Variants in PRR5L observed in about 807,000 individuals in gnomAD.
The protein encoded by PRR5L is proline rich 5 like.
Under a neutral mutation model 36.4 loss-of-function variants are expected in PRR5L, and 21 were observed. The observed-to-expected ratio is 0.58, with a 90% CI of 0.41 to 0.83. The LOEUF is 0.83. Among genes scored for constraint, PRR5L ranks in the 40% least tolerant of loss-of-function variants. PRR5L has a pLI of 0.00. For missense variants in PRR5L, 381 were observed against 473.3 expected (o/e 0.80, Z 1.81); for synonymous variants, 188 against 197.0 (o/e 0.95, Z 0.38).
intron 1 of PRR5L, among the ~76,000 whole-genome samples, chr11:36,394,223 A>G (rs567984934): frequency 3.9e-5 from 6 of 152,304 alleles, no homozygotes; most frequent in African/African-American, 7.2e-5. Context: ...CACCTGCTCA[A>G]TGCCCCACAG....
intron 1 of PRR5L, among the ~76,000 whole-genome samples, chr11:36,358,583 AT>A (rs1490938952): frequency 6.6e-6 from 1 of 152,180 alleles, no homozygotes; most frequent in Non-Finnish European, 1.5e-5. Flanking sequence ...GAACTCAAAC[AT>A]TTGTGTGACT....
At chr11:36,391,788 G>A (rs1857568378) in intron 1 of PRR5L, among the ~76,000 whole-genome samples, 1 of 152,176 alleles carries the variant, frequency 6.6e-6, no homozygotes, top group Admixed American at 6.5e-5. Context: ...GGTAAATGGG[G>A]TATCCATCAC....
intron 6 of PRR5L, among the ~76,000 whole-genome samples, chr11:36,446,077 C>T (rs562431981): frequency 6.6e-6 from 1 of 152,122 alleles, no homozygotes; most frequent in Non-Finnish European, 1.5e-5. Flanking sequence ...CTTGTATTGT[C>T]TTTCGGTCAT....
At chr11:36,340,235 C>T (rs1856805597) in intron 1 of PRR5L, among the ~76,000 whole-genome samples, 1 of 152,214 alleles carries the variant, frequency 6.6e-6, no homozygotes, top group South Asian at 2.1e-4. Context: ...TTAGATGTCA[C>T]ACAAAGTCTG....
chr11:36,441,010 C>T (rs1239085467), intron 6 of PRR5L, among the ~76,000 whole-genome samples: 1 of 152,196 alleles, frequency 6.6e-6, no homozygotes, highest in Non-Finnish European at 1.5e-5. Context: ...CCCTATGACT[C>T]TACCTTCTAC....
At chr11:36,345,792 G>A (rs1856859229) in intron 1 of PRR5L, among the ~76,000 whole-genome samples, 1 of 152,216 alleles carries the variant, frequency 6.6e-6, no homozygotes, top group African/African-American at 2.4e-5. Flanking sequence ...AACAGCAGAT[G>A]CTCCGGGAAA....
intron 1 of PRR5L, among the ~76,000 whole-genome samples, chr11:36,340,681 T>C (rs1255518154): frequency 6.6e-5 from 10 of 152,204 alleles, no homozygotes; most frequent in Non-Finnish European, 1.3e-4. Context: ...AATTTGTGTC[T>C]CTGCTCTAAA....
chr11:36,327,695 C>T (rs1856678882), intron 1 of PRR5L, among the ~76,000 whole-genome samples: 1 of 152,180 alleles, frequency 6.6e-6, no homozygotes, highest in Non-Finnish European at 1.5e-5. Flanking sequence ...AATTCTTCTA[C>T]ATAATAAGAA....
chr11:36,382,229 C>T (rs1160641360), intron 1 of PRR5L, among the ~76,000 whole-genome samples: 3 of 152,190 alleles, frequency 2.0e-5, no homozygotes, highest in Non-Finnish European at 4.4e-5. Context: ...AATGAGCCCT[C>T]ATTTTGGTCC....
chr11:36,435,114 G>T (rs1858577898), intron 5 of PRR5L, among the ~76,000 whole-genome samples: 1 of 152,068 alleles, frequency 6.6e-6, no homozygotes, highest in African/African-American at 2.4e-5. Context: ...GCCCTTTGGG[G>T]TAAATTATCC....
intron 4 of PRR5L, among the ~76,000 whole-genome samples, chr11:36,428,165 A>G (rs531929245): frequency 6.6e-6 from 1 of 152,136 alleles, no homozygotes; most frequent in Non-Finnish European, 1.5e-5. Flanking sequence ...GTAGGGTGAC[A>G]TTGGTGGTGG....
intron 1 of PRR5L, among the ~76,000 whole-genome samples, chr11:36,351,712 T>C (rs866574546): frequency 5.8e-4 from 62 of 107,606 alleles, no homozygotes; most frequent in African/African-American, 2.2e-3. Context: ...TATATTTATT[T>C]ATATATTTAT....
At chr11:36,365,986 A>G (rs536360288) in intron 1 of PRR5L, among the ~76,000 whole-genome samples, 1 of 152,364 alleles carries the variant, frequency 6.6e-6, no homozygotes, top group South Asian at 2.1e-4. Flanking sequence ...CTGCTCTTGC[A>G]GAAATCTAAT....
At chr11:36,422,884 T>C (rs1424633802) in intron 4 of PRR5L, among the ~76,000 whole-genome samples, 1 of 152,162 alleles carries the variant, frequency 6.6e-6, no homozygotes, top group Non-Finnish European at 1.5e-5. Flanking sequence ...CACTATATAC[T>C]AGTAACAGCT....
At chr11:36,442,518 T>A (rs1399996984) in intron 6 of PRR5L, among the ~76,000 whole-genome samples, 1 of 152,084 alleles carries the variant, frequency 6.6e-6, no homozygotes, top group Non-Finnish European at 1.5e-5. Context: ...ATTTTTGTAT[T>A]TTTAGTAGAG....
intron 1 of PRR5L, among the ~76,000 whole-genome samples, chr11:36,379,123 G>C (rs1162079568): frequency 6.6e-6 from 1 of 152,194 alleles, no homozygotes; most frequent in Admixed American, 6.5e-5. Context: ...AAAATCTCTT[G>C]CTGATAGTCC....
At chr11:36,308,527 C>G (rs1011044637) in intron 1 of PRR5L, among the ~76,000 whole-genome samples, 2 of 152,186 alleles carry the variant, frequency 1.3e-5, no homozygotes, top group African/African-American at 4.8e-5. Flanking sequence ...GGGATGGTCT[C>G]CTCCTCGCAG....
chr11:36,310,576 G>T (rs974147050), intron 1 of PRR5L, among the ~76,000 whole-genome samples: 5 of 152,130 alleles, frequency 3.3e-5, no homozygotes, highest in Non-Finnish European at 7.4e-5. Flanking sequence ...TACCCATGTG[G>T]GTGACTGAAG....
intron 1 of PRR5L, among the ~76,000 whole-genome samples, chr11:36,341,169 C>T (rs1203166815): frequency 6.6e-6 from 1 of 152,178 alleles, no homozygotes; most frequent in East Asian, 1.9e-4. Flanking sequence ...CTGAGCCTCC[C>T]TGTGCTGCAG....
Sources: allele counts gnomAD v4.1 joint callset (sites outside exome capture counted in the v4.1 genomes callset), GRCh38; gene constraint gnomAD v4.1.1; transcripts MANE v1.5; gene names NCBI Gene and HGNC (gene_info 2026-07-23, HGNC 2026-07-21).